TPD52: variants seen among roughly 807,000 people sequenced by gnomAD.
TPD52 encodes prostate and colon associated protein.
Under a neutral mutation model 31.3 loss-of-function variants are expected in TPD52, and 17 were observed. The ratio of observed to expected loss-of-function variants is 0.54; its 90% CI spans 0.37 to 0.82. The LOEUF is 0.82. Among genes scored for constraint, TPD52 ranks in the 40% least tolerant of loss-of-function variants. TPD52 has a pLI of 0.00. For synonymous variants in TPD52, 83 were observed against 89.6 expected (o/e 0.93, Z 0.42); for missense variants, 212 against 240.1 (o/e 0.88, Z 0.77).
intron 1 of TPD52, among the ~76,000 whole-genome samples, chr8:80,066,553 A>G (rs1813174694): frequency 6.6e-6 from 1 of 152,214 alleles, no homozygotes; most frequent in Non-Finnish European, 1.5e-5. Context: ...TATTTCTATA[A>G]TAGAAATCTG....
intron 1 of TPD52, among the ~76,000 whole-genome samples, chr8:80,115,391 G>A (rs1807794167): frequency 6.6e-6 from 1 of 152,218 alleles, no homozygotes; most frequent in Non-Finnish European, 1.5e-5. Context: ...AAGCCACAAT[G>A]ACCTACAGAG....
intron 1 of TPD52, chr8:80,066,903 C>T (rs369871007): frequency 5.3e-5 from 8 of 152,270 alleles, no homozygotes; most frequent in Admixed American, 1.3e-4. Context: ...ACCTGTTAAA[C>T]GTTATTTTAT....
intron 1 of TPD52, among the ~76,000 whole-genome samples, chr8:80,140,315 T>G (rs1809741882): frequency 6.6e-6 from 1 of 152,138 alleles, no homozygotes; most frequent in Non-Finnish European, 1.5e-5. Context: ...GAGGTAAAAT[T>G]CTAATTACTC....
At chr8:80,140,950 C>CGTGTGTGTGTGTGTGT (rs142097159) in intron 1 of TPD52, among the ~76,000 whole-genome samples, 1,720 of 143,730 alleles carry the variant, frequency 0.012, 35 homozygotes, top group African/African-American at 0.04. Flanking sequence ...CAATACAACT[C>CGTGTGTGTGTGTGTGT]GTGTGTGTGT....
At chr8:80,081,850 C>A (rs1563610980) in intron 1 of TPD52, among the ~76,000 whole-genome samples, 2 of 152,154 alleles carry the variant, frequency 1.3e-5, no homozygotes. Flanking sequence ...TGTGACCAGG[C>A]TGGAGTACAA....
At chr8:80,088,397 C>T (rs146344304) in intron 1 of TPD52, among the ~76,000 whole-genome samples, 165 of 152,240 alleles carry the variant, frequency 1.1e-3, no homozygotes, top group Non-Finnish European at 3.8e-4. Context: ...CTCAATAACA[C>T]GAGGTTAGTC....
chr8:80,110,591 T>TG (rs1491549816), intron 1 of TPD52, among the ~76,000 whole-genome samples: 1 of 102,898 alleles, frequency 9.7e-6, no homozygotes, highest in Non-Finnish European at 2.0e-5. Context: ...AATAAATAAA[T>TG]GAAAAAAAAA....
chr8:80,052,622 T>C (rs1811482698), intron 3 of TPD52: 1 of 1,288,318 alleles, frequency 7.8e-7, no homozygotes, highest in African/African-American at 1.5e-5. Context: ...TGCAGATGGC[T>C]CTCAATACAG....
chr8:80,058,358 T>TAAATTAAAAATGAGCTTGCGG (rs1413034731), intron 2 of TPD52, among the ~76,000 whole-genome samples: 2 of 152,176 alleles, frequency 1.3e-5, no homozygotes, highest in Non-Finnish European at 2.9e-5. Context: ...ATAAATAATA[T>TAAATTAAAAATGAGCTTGCGG]AAATTAAAAA....
At chr8:80,161,818 C>A (rs890145491) in intron 1 of TPD52, among the ~76,000 whole-genome samples, 2 of 151,628 alleles carry the variant, frequency 1.3e-5, no homozygotes, top group African/African-American at 4.9e-5. Context: ...CAACCTCCAC[C>A]TCCTGGGTTC....
At chr8:80,072,798 C>CACACACAT (rs977939775) in intron 1 of TPD52, among the ~76,000 whole-genome samples, 2 of 141,050 alleles carry the variant, frequency 1.4e-5, no homozygotes, top group African/African-American at 6.0e-5. Context: ...CACACACACA[C>CACACACAT]ATATATATAT....
intron 1 of TPD52, among the ~76,000 whole-genome samples, chr8:80,099,048 C>T (rs946139329): frequency 6.6e-6 from 1 of 151,960 alleles, no homozygotes; most frequent in Non-Finnish European, 1.5e-5. Flanking sequence ...GTTTTGGGGG[C>T]GAGGGTATAT....
chr8:80,168,646 T>C (rs1452434924), intron 1 of TPD52, among the ~76,000 whole-genome samples: 1 of 152,212 alleles, frequency 6.6e-6, no homozygotes, highest in Non-Finnish European at 1.5e-5. Context: ...TTGCTCCAGA[T>C]TCACTTAAGA....
chr8:80,061,806 A>T (rs562245832), intron 2 of TPD52, among the ~76,000 whole-genome samples: 27 of 151,556 alleles, frequency 1.8e-4, no homozygotes, highest in African/African-American at 4.4e-4. Flanking sequence ...AAGAAAATTT[A>T]AAAAAAATCC....
chr8:80,162,890 C>T (rs1185805884), intron 1 of TPD52, among the ~76,000 whole-genome samples: 1 of 152,008 alleles, frequency 6.6e-6, no homozygotes, highest in African/African-American at 2.4e-5. Context: ...TGAGCCACTG[C>T]ACTCCAGCCT....
At chr8:80,051,425 T>A in intron 4 of TPD52, 102 bp downstream of exon 4, 2 of 1,072,302 alleles carry the variant, frequency 1.9e-6, no homozygotes, top group East Asian at 5.0e-5. Context: ...CTAACAGGAG[T>A]AGCTAGCATC....
intron 1 of TPD52, among the ~76,000 whole-genome samples, chr8:80,136,328 T>A (rs1809412470): frequency 6.6e-6 from 1 of 150,590 alleles, no homozygotes; most frequent in Non-Finnish European, 1.5e-5. Context: ...ATCGAGACCA[T>A]CCTGGCTAAC....
intron 2 of TPD52, among the ~76,000 whole-genome samples, chr8:80,053,922 T>C (rs1811611951): frequency 6.6e-6 from 1 of 152,188 alleles, no homozygotes; most frequent in African/African-American, 2.4e-5. Context: ...CCTTGCATAT[T>C]TGATATGAGT....
chr8:80,101,169 C>T (rs998310735), intron 1 of TPD52, among the ~76,000 whole-genome samples: 22 of 151,988 alleles, frequency 1.4e-4, no homozygotes, highest in South Asian at 8.3e-4. Context: ...GAATTAAGGC[C>T]GGGCGCGGTG....
Sources: gnomAD v4.1 joint callset for allele counts (sites outside exome capture counted in the v4.1 genomes callset) on GRCh38, gnomAD v4.1.1 for gene constraint, MANE v1.5 for transcripts, NCBI Gene and HGNC (gene_info 2026-07-23, HGNC 2026-07-21) for gene names.